Variants in DIMT1 observed in about 807,000 individuals in gnomAD.
The protein encoded by DIMT1 is dimethyladenosine transferase.
A neutral mutation model predicts 43.2 loss-of-function variants in DIMT1; 36 were observed. That is an observed-to-expected ratio of 0.83 (90% confidence interval 0.64 to 1.10). The LOEUF (loss-of-function observed/expected upper bound fraction) is 1.10. DIMT1 is among the 50% of genes least tolerant of loss of function. The probability of loss-of-function intolerance (pLI) is 0.00; values close to 1 mark genes in which losing one functional copy is unlikely to be tolerated. For missense variants in DIMT1, 341 were observed against 385.3 expected (o/e 0.88, Z 0.96); for synonymous variants, 126 against 130.3 (o/e 0.97, Z 0.22).
In DIMT1 at chr5:62,403,879, C is replaced by T. The variant is rs1486222743; in HGVS notation, c.-107G>A. ...TCGCCGCCACGCGCCGCCCGCACCA[C>T]TCTGGCCCAAGCGCCGGAGGGGCAA... On this transcript the variant is annotated 5_prime_UTR_variant, in exon 1 of 12. It adds an upstream start codon to the 5' untranslated region. Transcript: ENST00000199320. 3.2e-6 allele frequency: 4 copies of T among 1,246,612 alleles called. No individual in the cohort carries two copies. Among genetic ancestry groups the T allele is most frequent in the African/African-American group, 1.5e-5 (1 of 66,152 alleles). 77.2% of individuals were successfully genotyped at this position (1,246,612 alleles called of 1,614,324 possible). A position where few individuals can be genotyped will look rare whatever the true frequency, so the allele number is the denominator to read the frequency against.
chr5:62,397,858 C>T (rs1742553789), intron 6 of DIMT1, among the ~76,000 whole-genome samples: 1 of 152,152 alleles, frequency 6.6e-6, no homozygotes, highest in East Asian at 1.9e-4. Flanking sequence ...CCATGTTAGC[C>T]AGGATGGTCT....
chr5:62,401,589 T>C (rs902146467), intron 3 of DIMT1, among the ~76,000 whole-genome samples: 4 of 136,280 alleles, frequency 2.9e-5, no homozygotes, highest in African/African-American at 1.1e-4. Context: ...CCTTTTTTTT[T>C]TTTTTTTTTT....
intron 3 of DIMT1, among the ~76,000 whole-genome samples, chr5:62,399,587 T>C (rs1742625151): frequency 1.3e-5 from 2 of 149,674 alleles, no homozygotes; most frequent in Middle Eastern, 6.9e-3. Flanking sequence ...GAGGTTGCCA[T>C]GAGCCAAGAC....
At chr5:62,399,414 C>T (rs1742615083) in intron 3 of DIMT1, among the ~76,000 whole-genome samples, 2 of 151,762 alleles carry the variant, frequency 1.3e-5, no homozygotes, top group African/African-American at 4.8e-5. Context: ...TGCAGTGAGT[C>T]GAGATCGCAC....
intron 3 of DIMT1, among the ~76,000 whole-genome samples, chr5:62,401,706 C>A (rs1742713036): frequency 6.7e-6 from 1 of 150,266 alleles, no homozygotes; most frequent in Non-Finnish European, 1.5e-5. Flanking sequence ...CCCCAGCCTC[C>A]CAAGTAGCTG....
chr5:62,398,737 G>A lies in DIMT1; in HGVS notation c.305C>T (p.Pro102Leu). The A allele has an allele frequency of 6.2e-7, 1 of 1,614,122 alleles. No individual in the cohort carries two copies. Among genetic ancestry groups the A allele is most frequent in the Non-Finnish European group, 8.5e-7 (1 of 1,180,020 alleles). ...CAGTACTTGAAGTTTGCTGGCCACAGGCCTGATGAGAAAAGAAGAAATGTA... is the reference window on the plus strand; with the variant it reads ...CAGTACTTGAAGTTTGCTGGCCACAAGCCTGATGAGAAAAGAAGAAATGTA... ...AELHKRVQGTPVASKLQVLVG... is the reference protein window; with the variant it reads ...AELHKRVQGTLVASKLQVLVG... Residue 102 changes from proline to leucine, a missense_variant and splice_region_variant, in exon 5 of 12, where the codon CCT becomes CTT. Physicochemically the swap from Pro to Leu is moderately conservative, Grantham distance 98. Transcript: ENST00000199320.
intron 3 of DIMT1, among the ~76,000 whole-genome samples, chr5:62,400,736 T>G (rs933325900): frequency 6.6e-6 from 1 of 151,964 alleles, no homozygotes; most frequent in Non-Finnish European, 1.5e-5. Flanking sequence ...TCTTACTCTG[T>G]TTGGCTCCCA....
rs1190311845 is a variant in DIMT1 at position 62,388,863 on chromosome 5, C to A, written c.*147G>T. The A allele has an allele frequency of 4.2e-6, 3 of 707,456 alleles. No homozygotes were observed. The African/African-American group carries it at 5.4e-5, about 13-fold the overall frequency. 43.8% of individuals were successfully genotyped at this position (707,456 alleles called of 1,614,324 possible). ...ACTTTCCAACTTTAAAATTCAGAATCATAAATGGTGACAACAGTAGTAGTA... is the reference window on the plus strand; with the variant it reads ...ACTTTCCAACTTTAAAATTCAGAATAATAAATGGTGACAACAGTAGTAGTA... On this transcript the variant is annotated 3_prime_UTR_variant, in exon 12 of 12. Coordinates refer to ENST00000199320, the MANE Select transcript of DIMT1 (RefSeq NM_014473.4).
chr5:62,399,726 A>C (rs1403641204), intron 3 of DIMT1, among the ~76,000 whole-genome samples: 1 of 151,528 alleles, frequency 6.6e-6, no homozygotes, highest in African/African-American at 2.4e-5. Context: ...CCAACATGGT[A>C]AAACTCTGTC....
chr5:62,391,664 C>G, intron 10 of DIMT1: 1 of 1,129,678 alleles, frequency 8.9e-7, no homozygotes, highest in South Asian at 3.6e-5. Context: ...TAGCAAACAT[C>G]ACATCGCACA....
intron 6 of DIMT1, among the ~76,000 whole-genome samples, chr5:62,395,015 A>G (rs940700050): frequency 6.6e-6 from 1 of 150,772 alleles, no homozygotes; most frequent in African/African-American, 2.4e-5. Flanking sequence ...TGACGGGTTA[A>G]AAGATGTAGA....
intron 11 of DIMT1, among the ~76,000 whole-genome samples, chr5:62,390,296 A>C (rs1215736178): frequency 6.6e-6 from 1 of 152,212 alleles, no homozygotes; most frequent in African/African-American, 2.4e-5. Flanking sequence ...TGCTTAATTC[A>C]AGCAAAACAA....
chr5:62,400,102 C>G (rs1374744765), intron 3 of DIMT1, among the ~76,000 whole-genome samples: 2 of 152,110 alleles, frequency 1.3e-5, no homozygotes, highest in African/African-American at 4.8e-5. Flanking sequence ...TGCAATTGCT[C>G]TTACTGTTAG....
chr5:62,391,042 CTTTT>C (rs372819795), intron 10 of DIMT1, 60 bp from the exon 11 acceptor site: 3 of 1,410,050 alleles, frequency 2.1e-6, no homozygotes, highest in Admixed American at 3.4e-5. Context: ...CACCTTGACT[CTTTT>C]TTTTAGTTCA....
At chr5:62,397,377 T>G (rs1561291802) in intron 6 of DIMT1, among the ~76,000 whole-genome samples, 1 of 152,228 alleles carries the variant, frequency 6.6e-6, no homozygotes. Context: ...TATGACAGTT[T>G]TGGCATCTAT....
At position 62,392,897 on chromosome 5, in the gene DIMT1, T is replaced by C. The variant is rs1357972936; in HGVS notation, c.728+29A>G. ...CATAGTATCTGGAGCACTGGCCCTT[T>C]ATACATTAGAAATTAGTGTAATACT... On this transcript the variant is annotated intron_variant, in intron 9 of 11. Transcript: ENST00000199320. The C allele has an allele frequency of 4.6e-6, 7 of 1,526,170 alleles. No homozygotes were observed. In the African/African-American group the frequency reaches 8.2e-5, roughly 18 times the overall value. 94.5% of individuals were successfully genotyped at this position (1,526,170 alleles called of 1,614,324 possible). A position where few individuals can be genotyped will look rare whatever the true frequency, so the allele number is the denominator to read the frequency against.
At chr5:62,390,517 C>A (rs2112032562) in intron 11 of DIMT1, among the ~76,000 whole-genome samples, 1 of 152,280 alleles carries the variant, frequency 6.6e-6, no homozygotes, top group South Asian at 2.1e-4. Flanking sequence ...TATGATTTTT[C>A]TACCTTATGG....
At chr5:62,400,247 A>G (rs541563011) in intron 3 of DIMT1, among the ~76,000 whole-genome samples, 18 of 152,008 alleles carry the variant, frequency 1.2e-4, no homozygotes, top group Non-Finnish European at 2.4e-4. Flanking sequence ...TATTTTTATT[A>G]AAAAATAATT....
intron 6 of DIMT1, among the ~76,000 whole-genome samples, chr5:62,397,539 T>G (rs1742540618): frequency 6.6e-6 from 1 of 152,238 alleles, no homozygotes; most frequent in Non-Finnish European, 1.5e-5. Context: ...TCCCACAAAT[T>G]GATATGGCCA....
Sources: allele counts gnomAD v4.1 joint callset (sites outside exome capture counted in the v4.1 genomes callset), GRCh38; gene constraint gnomAD v4.1.1; transcripts MANE v1.5; gene names NCBI Gene and HGNC (gene_info 2026-07-23, HGNC 2026-07-21).